The following KCNQ1OT1 variants were observed in gnomAD, a reference collection of about 807,000 sequenced individuals.
KCNQ1OT1 encodes the protein KCNQ1 opposite strand/antisense transcript 1.
Position 2,694,069 on chromosome 11 carries a change from G to A in KCNQ1OT1, n.5926C>T, listed in dbSNP as rs1237176521. ...ATGGCTGAGGGACGGCAGCTGACAC[G>A]TAGTTCCAACTAAACCTCTGGGTGG... is the stretch of plus-strand genomic sequence containing the variant. On this transcript the variant is annotated non_coding_transcript_exon_variant, in exon 1 of 1. Transcript: ENST00000597346. The A allele has an allele frequency of 2.8e-5, 11 of 398,574 alleles. No homozygotes were observed. The South Asian group carries it at 3.8e-4, about 14-fold the overall frequency. 24.7% of individuals were successfully genotyped at this position (398,574 alleles called of 1,614,324 possible).
At chr11:2,685,615 G>A (rs1458335134) in exon 1 of KCNQ1OT1, 3 of 398,602 alleles carry the variant, frequency 7.5e-6, no homozygotes, top group African/African-American at 2.1e-5. Context: ...GCAGCTGGCT[G>A]TTGCCATTCC....
At position 2,697,060 on chromosome 11, in the gene KCNQ1OT1, A is replaced by C. The variant is rs558797572; in HGVS notation, n.2935T>G. 4 of 398,500 alleles carry C rather than the reference A, an allele frequency of 1.0e-5. No individual in the cohort carries two copies. The South Asian group carries it at 5.1e-4, about 51-fold the overall frequency. 24.7% of individuals were successfully genotyped at this position (398,500 alleles called of 1,614,324 possible). ...GACCCTTTCAGGAAAGGTCAAAAAC[A>C]TTTTCATAATAATACTCGACATTAT... On this transcript the variant is annotated non_coding_transcript_exon_variant, in exon 1 of 1. Transcript: ENST00000597346.
chr11:2,689,941 C>T (rs537622564), exon 1 of KCNQ1OT1: 63 of 398,792 alleles, frequency 1.6e-4, no homozygotes, highest in African/African-American at 8.8e-4. Flanking sequence ...CCTCACCCAA[C>T]GATGACAGTG....
At chr11:2,640,562 C>CT (rs58881533) in exon 1 of KCNQ1OT1, 107 of 385,960 alleles carry the variant, frequency 2.8e-4, no homozygotes, top group South Asian at 4.1e-4. Flanking sequence ...CTGGGATTTC[C>CT]TTTTTTTTTT....
At position 2,667,165 on chromosome 11, in the gene KCNQ1OT1, C is replaced by CTT. The variant is rs1292868626; in HGVS notation, n.32828_32829dup. On this transcript the variant is annotated non_coding_transcript_exon_variant, in exon 1 of 1. Transcript: ENST00000597346. ...TGGGAATCAGATGCCCTCAATCTGGCTTCCAGCCTGCCATCAGCCCAGCTG... is the reference window on the plus strand; with the variant it reads ...TGGGAATCAGATGCCCTCAATCTGGCTTTTCCAGCCTGCCATCAGCCCAGCTG... The CTT allele has an allele frequency of 1.0e-5, 4 of 398,686 alleles. No homozygotes were observed. The East Asian group carries it at 1.4e-4, about 14-fold the overall frequency. The allele number at this position is 398,686 out of a possible 1,614,324, so 24.7% of individuals were successfully genotyped here.
rs1228177507 is a variant in KCNQ1OT1 at position 2,668,627 on chromosome 11, T to G, written n.31368A>C. The stretch of plus-strand genomic sequence containing the variant: ...TTGCCTACATCTTCTGCCTGTTTTA[T>G]GTTTATTTATGGTCCTATATATCTT... On this transcript the variant is annotated non_coding_transcript_exon_variant, in exon 1 of 1. Transcript: ENST00000597346. This position sits in a 1 kb window ranked among gnomAD's most constrained non-coding sequence, Gnocchi z 4.3. 1.0e-5 allele frequency: 4 copies of G among 398,526 alleles called. No homozygotes were observed. The East Asian group carries it at 1.1e-4, about 11-fold the overall frequency. 24.7% of individuals were successfully genotyped at this position (398,526 alleles called of 1,614,324 possible).
rs780003471 is a variant in KCNQ1OT1 at position 2,653,160 on chromosome 11, C to A, written n.46835G>T. 4.0e-5 allele frequency: 16 copies of A among 398,646 alleles called. No homozygotes were observed. Among genetic ancestry groups the A allele is most frequent in the Non-Finnish European group, 3.1e-5 (7 of 226,140 alleles). 24.7% of individuals were successfully genotyped at this position (398,646 alleles called of 1,614,324 possible). A position where few individuals can be genotyped will look rare whatever the true frequency, so the allele number is the denominator to read the frequency against. Reference sequence around the variant, plus strand: ...CAGCAGTAGAAAGCCAATGTCCCACCTTAGGAAATCCCTTTCCAAGAGTTC... The same window carrying A: ...CAGCAGTAGAAAGCCAATGTCCCACATTAGGAAATCCCTTTCCAAGAGTTC... On this transcript the variant is annotated non_coding_transcript_exon_variant, in exon 1 of 1. Transcript: ENST00000597346. This position sits in a 1 kb window ranked among gnomAD's most constrained non-coding sequence, Gnocchi z 5.3.
At chr11:2,632,882 G>A (rs1423725066) in exon 1 of KCNQ1OT1, 3 of 398,324 alleles carry the variant, frequency 7.5e-6, no homozygotes, top group Non-Finnish European at 1.3e-5. Flanking sequence ...ATAAACATGA[G>A]AATGCAAATA....
In KCNQ1OT1 at chr11:2,682,538, A is replaced by AC. The variant is rs1372969250; in HGVS notation, n.17456dup. 1 of 398,220 alleles carries AC rather than the reference A, an allele frequency of 2.5e-6. No homozygotes were observed. The highest frequency in any genetic ancestry group is 2.1e-5 in the African/African-American group (1 of 48,488). The allele number at this position is 398,220 out of a possible 1,614,324, so 24.7% of individuals were successfully genotyped here. ...TGCCCAGGTCAAACCAGGTGCTAGG[A>AC]CCCTGGCAGGGGTTCCATAAGGCTA... On this transcript the variant is annotated non_coding_transcript_exon_variant, in exon 1 of 1. Transcript: ENST00000597346. The surrounding 1 kb of genome is among the most constrained non-coding windows in gnomAD (Gnocchi z 5.8).
chr11:2,622,705 T>G (rs1849195040), exon 1 of KCNQ1OT1: 1 of 398,616 alleles, frequency 2.5e-6, no homozygotes, highest in African/African-American at 2.1e-5. Flanking sequence ...TATGTGTGTA[T>G]GTGTATTTTA....
exon 1 of KCNQ1OT1, chr11:2,699,647 C>CGCGCCGAAGAACCCCCGGGGACAACT (rs1850751296): frequency 8.4e-6 from 3 of 358,708 alleles, no homozygotes; most frequent in African/African-American, 6.4e-5. Flanking sequence ...CGGGGACAAC[C>CGCGCCGAAGAACCCCCGGGGACAACT]GCGCCGAAGA....
exon 1 of KCNQ1OT1, chr11:2,684,732 A>G (rs1473115240): frequency 5.0e-6 from 2 of 398,476 alleles, no homozygotes; most frequent in Non-Finnish European, 8.8e-6. Context: ...AACCCAGGGT[A>G]GGTCTGCCTG....
At position 2,659,591 on chromosome 11, in the gene KCNQ1OT1, T is replaced by C. The variant is rs1186820294; in HGVS notation, n.40404A>G. On this transcript the variant is annotated non_coding_transcript_exon_variant, in exon 1 of 1. Coordinates refer to ENST00000597346, the Ensembl canonical transcript of KCNQ1OT1. This position sits in a 1 kb window ranked among gnomAD's most constrained non-coding sequence, Gnocchi z 4.3. ...ATTTATGTACAGGTTTTTGCGAACA[T>C]AAAAATTCAATTCACTTGGGTGGGA... The C allele has an allele frequency of 5.0e-6, 2 of 398,420 alleles. No homozygotes were observed. Among genetic ancestry groups the C allele is most frequent in the Non-Finnish European group, 8.8e-6 (2 of 226,022 alleles). 24.7% of individuals were successfully genotyped at this position (398,420 alleles called of 1,614,324 possible). A position where few individuals can be genotyped will look rare whatever the true frequency, so the allele number is the denominator to read the frequency against.
rs1032331852 is a variant in KCNQ1OT1, at chr11:2,664,113, G to A, written n.35882C>T. On this transcript the variant is annotated non_coding_transcript_exon_variant, in exon 1 of 1. Transcript: ENST00000597346. This position sits in a 1 kb window ranked among gnomAD's most constrained non-coding sequence, Gnocchi z 5.1. The stretch of plus-strand genomic sequence containing the variant: ...GAGACTCCAGTCATTACCCAACCAG[G>A]TCCCTGCCCTGTAACTTACCAAGGC... 2 of 398,558 alleles carry A rather than the reference G, an allele frequency of 5.0e-6. No individual in the cohort carries two copies. Among genetic ancestry groups the A allele is most frequent in the African/African-American group, 4.1e-5 (2 of 48,612 alleles). 24.7% of individuals were successfully genotyped at this position (398,558 alleles called of 1,614,324 possible).
chr11:2,673,405 C>T lies in KCNQ1OT1; in HGVS notation n.26590G>A. 3 of 398,700 alleles carry T rather than the reference C, an allele frequency of 7.5e-6. No homozygotes were observed. Among genetic ancestry groups the T allele is most frequent in the Non-Finnish European group, 8.8e-6 (2 of 226,090 alleles). The allele number at this position is 398,700 out of a possible 1,614,324, so 24.7% of individuals were successfully genotyped here. On this transcript the variant is annotated non_coding_transcript_exon_variant, in exon 1 of 1. Coordinates refer to ENST00000597346, the Ensembl canonical transcript of KCNQ1OT1. The surrounding 1 kb of genome is among the most constrained non-coding windows in gnomAD (Gnocchi z 4.5). ...CCTTGGCCTTTGTTTAGCCCACCTT[C>T]TGCCTAGGCACCAGGCCTGGAGGTT...
In KCNQ1OT1 at chr11:2,687,586, G is replaced by A; in HGVS notation, n.12409C>T. 1 of 398,728 alleles carries A rather than the reference G, an allele frequency of 2.5e-6. No individual in the cohort carries two copies. Among genetic ancestry groups the A allele is most frequent in the East Asian group, 3.6e-5 (1 of 28,084 alleles). 24.7% of individuals were successfully genotyped at this position (398,728 alleles called of 1,614,324 possible). A position where few individuals can be genotyped will look rare whatever the true frequency, so the allele number is the denominator to read the frequency against. On this transcript the variant is annotated non_coding_transcript_exon_variant, in exon 1 of 1. Transcript: ENST00000597346. The surrounding 1 kb of genome is among the most constrained non-coding windows in gnomAD (Gnocchi z 5.0). ...TGATGACCCCCTGTCAAGGAGGTGTGACTGAGAAAGGAAGGGGCAGAGATC... is the reference window on the plus strand; with the variant it reads ...TGATGACCCCCTGTCAAGGAGGTGTAACTGAGAAAGGAAGGGGCAGAGATC...
In KCNQ1OT1 at chr11:2,642,006, C is replaced by T. The variant is rs1237153012; in HGVS notation, n.57989G>A. The T allele has an allele frequency of 1.8e-5, 7 of 398,256 alleles. No homozygotes were observed. Among genetic ancestry groups the T allele is most frequent in the African/African-American group, 6.2e-5 (3 of 48,600 alleles). 24.7% of individuals were successfully genotyped at this position (398,256 alleles called of 1,614,324 possible). A position where few individuals can be genotyped will look rare whatever the true frequency, so the allele number is the denominator to read the frequency against. On this transcript the variant is annotated non_coding_transcript_exon_variant, in exon 1 of 1. Coordinates refer to ENST00000597346, the Ensembl canonical transcript of KCNQ1OT1. The surrounding 1 kb of genome is among the most constrained non-coding windows in gnomAD (Gnocchi z 4.3). ...TGGTCTATCAGTTTTTATTCCAATA[C>T]CATGCTGCTTTTAATGCTATAGCCT...
chr11:2,649,033 T>C (rs1849716569), exon 1 of KCNQ1OT1: 2 of 383,234 alleles, frequency 5.2e-6, no homozygotes, highest in Non-Finnish European at 9.0e-6. Flanking sequence ...TGTCTACTCC[T>C]GCATGCTTTT....
chr11:2,662,123 C>T (rs374710321), exon 1 of KCNQ1OT1: 32 of 1,613,288 alleles, frequency 2.0e-5, no homozygotes, highest in Non-Finnish European at 2.6e-5. Context: ...CTGGAGGGGA[C>T]TGGAGCTCAA....
Sources: gnomAD v4.1 joint callset for allele counts on GRCh38, gnomAD v4.1.1 for gene constraint, Gnocchi (gnomAD v3.1) non-coding constraint, MANE v1.5 for transcripts, NCBI Gene and HGNC (gene_info 2026-07-23, HGNC 2026-07-21) for gene names.